The following LRP12 variants were observed in gnomAD, a reference collection of about 807,000 sequenced individuals.
The protein encoded by LRP12 is LDL receptor related protein 12.
A neutral mutation model predicts 66.0 loss-of-function variants in LRP12; 14 were observed. That is an observed-to-expected ratio of 0.21 (90% CI 0.14 to 0.33). The LOEUF is 0.33. Among genes scored for constraint, LRP12 ranks in the 10% least tolerant of loss-of-function variants. The pLI is 1.00. For missense variants in LRP12, 889 were observed against 1,053.4 expected (o/e 0.84, Z 2.16); for synonymous variants, 357 against 359.1 (o/e 0.99, Z 0.07).
intron 3 of LRP12, chr8:104,504,445 G>A (rs1383533408): frequency 6.6e-6 from 1 of 151,952 alleles, no homozygotes; most frequent in Non-Finnish European, 1.5e-5. Context: ...CATTAAAGTT[G>A]TAAACTTTTC....
At position 104,489,390 on chromosome 8, in the gene LRP12, T is replaced by C. The variant is rs1449563710; in HGVS notation, c.*1283A>G. 1 of 152,592 alleles carries C rather than the reference T, an allele frequency of 6.6e-6. No homozygotes were observed. The highest frequency in any genetic ancestry group is 1.5e-5 in the Non-Finnish European group (1 of 67,990). 9.5% of individuals were successfully genotyped at this position (152,592 alleles called of 1,614,324 possible). A position where few individuals can be genotyped will look rare whatever the true frequency, so the allele number is the denominator to read the frequency against. On this transcript the variant is annotated 3_prime_UTR_variant, in exon 7 of 7. Coordinates refer to ENST00000276654, the MANE Select transcript of LRP12 (RefSeq NM_013437.5). ...GACATTCAGCAAAGTACTTAAAATT[T>C]AATAAATAGCAAATCACACACAGAT...
chr8:104,521,238 T>C (rs1332729620), intron 2 of LRP12, among the ~76,000 whole-genome samples: 1 of 151,774 alleles, frequency 6.6e-6, no homozygotes, highest in East Asian at 1.9e-4. Flanking sequence ...TTCCTTTGAG[T>C]GTTATGTCGT....
At chr8:104,514,722 C>T (rs67712332) in intron 2 of LRP12, among the ~76,000 whole-genome samples, 28,447 of 151,768 alleles carry the variant, frequency 0.19, 3,339 homozygotes, top group African/African-American at 0.34. Flanking sequence ...ACAAAAAAAC[C>T]AAGTCTCAAT....
chr8:104,549,005 G>A (rs531811226), intron 1 of LRP12, among the ~76,000 whole-genome samples: 1 of 152,048 alleles, frequency 6.6e-6, no homozygotes, highest in South Asian at 2.1e-4. Flanking sequence ...GAGTGTCAAG[G>A]ACATACTAGG....
intron 1 of LRP12, 40 bp from the exon 2 acceptor site, chr8:104,532,003 A>C: frequency 7.3e-7 from 1 of 1,371,852 alleles, no homozygotes; most frequent in Non-Finnish European, 1.0e-6. Context: ...ATCCAAGATA[A>C]AATTACAAAA....
chr8:104,516,603 G>A (rs748937728), intron 2 of LRP12, among the ~76,000 whole-genome samples: 1 of 151,954 alleles, frequency 6.6e-6, no homozygotes, highest in Non-Finnish European at 1.5e-5. Context: ...AAACACTGAA[G>A]ACTTCTTGTT....
chr8:104,546,821 T>G (rs1811565599), intron 1 of LRP12, among the ~76,000 whole-genome samples: 1 of 150,236 alleles, frequency 6.7e-6, no homozygotes, highest in African/African-American at 2.4e-5. Flanking sequence ...TACCTTCCCC[T>G]GTCATTCGGA....
At chr8:104,512,091 T>C (rs1811007910) in intron 2 of LRP12, among the ~76,000 whole-genome samples, 1 of 152,200 alleles carries the variant, frequency 6.6e-6, no homozygotes, top group South Asian at 2.1e-4. Flanking sequence ...AATAAAAAGA[T>C]AGCTAAGTTA....
chr8:104,542,994 AATATAT>A (rs149279085), intron 1 of LRP12, among the ~76,000 whole-genome samples: 3 of 144,116 alleles, frequency 2.1e-5, no homozygotes, highest in African/African-American at 5.2e-5. Context: ...AACACACACA[AATATAT>A]ATATATATAT....
chr8:104,573,854 G>A (rs1046847805), intron 1 of LRP12, among the ~76,000 whole-genome samples: 4 of 151,888 alleles, frequency 2.6e-5, no homozygotes, highest in Non-Finnish European at 5.9e-5. Context: ...GAGGTAGAGG[G>A]CAGAAGAAAG....
chr8:104,567,738 T>C (rs549225485), intron 1 of LRP12, among the ~76,000 whole-genome samples: 1 of 152,172 alleles, frequency 6.6e-6, no homozygotes, highest in African/African-American at 2.4e-5. Flanking sequence ...AGGAATAAAA[T>C]AGTTTAACAA....
chr8:104,501,508 T>A (rs1297470751), intron 3 of LRP12, among the ~76,000 whole-genome samples: 6 of 152,130 alleles, frequency 3.9e-5, no homozygotes, highest in African/African-American at 1.4e-4. Flanking sequence ...GAGACCAGCC[T>A]GGCCAACCAA....
chr8:104,545,111 A>G (rs1811534890), intron 1 of LRP12, among the ~76,000 whole-genome samples: 1 of 152,216 alleles, frequency 6.6e-6, no homozygotes, highest in South Asian at 2.1e-4. Flanking sequence ...AGGTGTTTCA[A>G]GGCTTCAGTG....
chr8:104,493,311 C>A (rs989453610), intron 6 of LRP12, among the ~76,000 whole-genome samples: 3 of 152,120 alleles, frequency 2.0e-5, no homozygotes, highest in Admixed American at 1.3e-4. Context: ...TAATTTGTTA[C>A]CAAAAGCTTC....
intron 1 of LRP12, among the ~76,000 whole-genome samples, chr8:104,580,358 T>TACAAA (rs1554712302): frequency 2.2e-5 from 2 of 92,198 alleles, no homozygotes. Flanking sequence ...CTACTAAAAA[T>TACAAA]AAAAAAAAAA....
At chr8:104,510,766 T>C (rs1477869858) in intron 2 of LRP12, among the ~76,000 whole-genome samples, 1 of 152,064 alleles carries the variant, frequency 6.6e-6, no homozygotes. Context: ...AAACACTACA[T>C]ACTAAACTCA....
intron 1 of LRP12, among the ~76,000 whole-genome samples, chr8:104,576,517 T>A (rs2140897803): frequency 6.6e-6 from 1 of 152,232 alleles, no homozygotes; most frequent in Admixed American, 6.5e-5. Flanking sequence ...CAAAGCGTCA[T>A]AAGCAAAGGA....
At chr8:104,526,126 G>C (rs1472221058) in intron 2 of LRP12, among the ~76,000 whole-genome samples, 3 of 151,982 alleles carry the variant, frequency 2.0e-5, no homozygotes, top group Non-Finnish European at 4.4e-5. Flanking sequence ...ACTTACAAGG[G>C]ACGTGAAGGA....
intron 3 of LRP12, 41 bp from the exon 4 acceptor site, chr8:104,499,560 T>C: frequency 6.9e-7 from 1 of 1,439,714 alleles, no homozygotes; most frequent in Non-Finnish European, 9.5e-7. Context: ...AAGTCAATTT[T>C]GGAAAAAAAA....
Sources: gnomAD v4.1 joint callset for allele counts (sites outside exome capture counted in the v4.1 genomes callset) on GRCh38, gnomAD v4.1.1 for gene constraint, MANE v1.5 for transcripts, NCBI Gene and HGNC (gene_info 2026-07-23, HGNC 2026-07-21) for gene names.